Variants in DACH1 observed in about 807,000 individuals in gnomAD.
The protein encoded by DACH1 is dachshund family transcription factor 1, also known as dachshund homolog 1.
In DACH1, 12 loss-of-function variants were observed where a neutral mutation model predicts 54.2. The observed-to-expected ratio is 0.22, with a 90% CI of 0.14 to 0.36. The LOEUF (loss-of-function observed/expected upper bound fraction) is 0.36. DACH1 is among the 10% of genes least tolerant of loss of function. The probability of loss-of-function intolerance (pLI) is 1.00; values close to 1 mark genes in which losing one functional copy is unlikely to be tolerated. For missense variants in DACH1, 805 were observed against 929.8 expected, an observed-to-expected ratio of 0.87 and a Z score of 1.75; for synonymous variants, 386 against 366.2, an observed-to-expected ratio of 1.05 and a Z score of -0.62.
intron 2 of DACH1, among the ~76,000 whole-genome samples, chr13:71,662,846 T>G (rs940822727): frequency 2.0e-5 from 3 of 151,976 alleles, no homozygotes; most frequent in Non-Finnish European, 4.4e-5. Flanking sequence ...CCCCTAGTTT[T>G]CTCTTCCTCT....
At chr13:71,466,608 C>CGAG (rs1876592627) in intron 10 of DACH1, among the ~76,000 whole-genome samples, 1 of 151,984 alleles carries the variant, frequency 6.6e-6, no homozygotes, top group Non-Finnish European at 1.5e-5. Context: ...TTTGGGAGGC[C>CGAG]GAGGCAAGTG....
chr13:71,836,836 T>G (rs370750616), intron 1 of DACH1, among the ~76,000 whole-genome samples: 4 of 152,084 alleles, frequency 2.6e-5, no homozygotes, highest in African/African-American at 9.7e-5. Context: ...ATTGATTATG[T>G]TAATTCTTTA....
intron 3 of DACH1, among the ~76,000 whole-genome samples, chr13:71,580,230 T>C (rs1211305152): frequency 6.6e-6 from 1 of 152,230 alleles, no homozygotes; most frequent in Non-Finnish European, 1.5e-5. Flanking sequence ...AAAGTATCTA[T>C]GCTAATTTTG....
intron 8 of DACH1, 30 bp from the exon 9 acceptor site, chr13:71,475,879 A>C (rs540499869): frequency 6.7e-5 from 96 of 1,436,668 alleles, no homozygotes; most frequent in Non-Finnish European, 8.8e-5. Flanking sequence ...TATTATTATT[A>C]TTATTTTTAA....
intron 2 of DACH1, among the ~76,000 whole-genome samples, chr13:71,663,899 T>A (rs1879668351): frequency 6.6e-6 from 1 of 151,866 alleles, no homozygotes; most frequent in Non-Finnish European, 1.5e-5. Flanking sequence ...AATATCCACA[T>A]AATTTTTCAT....
chr13:71,559,889 G>T lies in DACH1; in HGVS notation c.1366C>A (p.Pro456Thr), dbSNP rs1157950319. 6.2e-7 allele frequency: 1 copy of T among 1,611,930 alleles called. No homozygotes were observed. The highest frequency in any genetic ancestry group is 1.3e-5 in the African/African-American group (1 of 74,844). Residue 456 changes from proline (P) to threonine (T), a missense_variant, in exon 5 of 11, where the codon CCA becomes ACA. This residue lies in a region of DACH1 where 472 missense variants were observed against 545.3 expected (regional missense o/e 0.87). Transcript: ENST00000613252. The stretch of plus-strand genomic sequence containing the variant: ...ACGCTGCTGCTGCGATGTGATGATG[G>T]GTGACTGCCAGGCCTTCTCCCCTCC... ...LEEGRRPGSH[P>T]SSHRSSSVSS... is the part of the protein sequence containing the mutation.
intron 1 of DACH1, among the ~76,000 whole-genome samples, chr13:71,689,020 A>G (rs922617210): frequency 6.6e-6 from 1 of 152,130 alleles, no homozygotes; most frequent in African/African-American, 2.4e-5. Flanking sequence ...CATTTACTAA[A>G]CTTAGTTCAC....
intron 2 of DACH1, among the ~76,000 whole-genome samples, chr13:71,673,514 G>A (rs1002101618): frequency 6.6e-6 from 1 of 151,802 alleles, no homozygotes; most frequent in Non-Finnish European, 1.5e-5. Context: ...TAGTACAAAT[G>A]TAGTTATATA....
rs574698908 is a variant in DACH1, at chr13:71,475,266, T to TA, written c.2015-58dup. 1.1e-3 allele frequency: 1,526 copies of TA among 1,356,766 alleles called. 17 individuals carry two copies. Among genetic ancestry groups the TA allele is most frequent in the South Asian group, 0.011 (888 of 80,418 alleles). 84.0% of individuals were successfully genotyped at this position (1,356,766 alleles called of 1,614,324 possible). A position where few individuals can be genotyped will look rare whatever the true frequency, so the allele number is the denominator to read the frequency against. On this transcript the variant is annotated intron_variant, in intron 9 of 10. Coordinates refer to ENST00000613252, the MANE Select transcript of DACH1 (RefSeq NM_080759.6). ...ATTTCATTTGATTCCTATTGTCCTT[T>TA]AAAAAAAAAGAGCAACCTGTTACTT... is the stretch of plus-strand genomic sequence containing the variant.
At chr13:71,770,546 C>T (rs192142423) in intron 1 of DACH1, among the ~76,000 whole-genome samples, 9 of 151,566 alleles carry the variant, frequency 5.9e-5, no homozygotes, top group South Asian at 4.1e-4. Flanking sequence ...AAGGAAAGAA[C>T]GCATTTAAAG....
In DACH1 at chr13:71,438,156, C is replaced by T. The variant is rs1484749098; in HGVS notation, c.*2499G>A. 6.6e-6 allele frequency: 1 copy of T among 152,248 alleles called. No individual in the cohort carries two copies. The highest frequency in any genetic ancestry group is 1.5e-5 in the Non-Finnish European group (1 of 67,844). 9.4% of individuals were successfully genotyped at this position (152,248 alleles called of 1,614,324 possible). A position where few individuals can be genotyped will look rare whatever the true frequency, so the allele number is the denominator to read the frequency against. ...TTTTGTACAACAAAATTCGTAATAA[C>T]CTTTTATCATTTTTAGAAAACTTTA... On this transcript the variant is annotated 3_prime_UTR_variant, in exon 11 of 11. Coordinates refer to ENST00000613252, the MANE Select transcript of DACH1 (RefSeq NM_080759.6).
intron 4 of DACH1, among the ~76,000 whole-genome samples, chr13:71,561,619 G>C (rs774351082): frequency 6.1e-4 from 92 of 152,054 alleles, no homozygotes; most frequent in Non-Finnish European, 1.1e-3. Context: ...CCAATAATGA[G>C]AGACAATAAA....
At chr13:71,858,717 T>G (rs1353264106) in intron 1 of DACH1, among the ~76,000 whole-genome samples, 1 of 151,796 alleles carries the variant, frequency 6.6e-6, no homozygotes, top group East Asian at 1.9e-4. Context: ...GAGTTCAACT[T>G]TTTTAGATTC....
chr13:71,738,532 C>T (rs1236440287), intron 1 of DACH1, among the ~76,000 whole-genome samples: 1 of 151,622 alleles, frequency 6.6e-6, no homozygotes, highest in Non-Finnish European at 1.5e-5. Context: ...GAGTTCAAGA[C>T]CAGCCTGACC....
Position 71,866,350 on chromosome 13 carries a change from G to C in DACH1, c.420C>G (p.Ser140Arg), listed in dbSNP as rs1383549766. 1.4e-5 allele frequency: 21 copies of C among 1,531,130 alleles called. No homozygotes were observed. Among genetic ancestry groups the C allele is most frequent in the East Asian group, 7.4e-5 (3 of 40,432 alleles). 94.8% of individuals were successfully genotyped at this position (1,531,130 alleles called of 1,614,324 possible). ...SSTPINASTGSSSSSSSSSSS... is the reference protein window; with the variant it reads ...SSTPINASTGRSSSSSSSSSS... ...TGCTGCTGCTACTGCTGCTGCTGCT[G>C]CTGCCGGTGCTGGCGTTGATGGGGG... Residue 140 changes from serine (S) to arginine (R), a missense_variant, in exon 1 of 11, where the codon AGC (serine) becomes AGG (arginine). Ser to Arg is a moderately radical substitution (Grantham distance 110). Coordinates refer to ENST00000613252, the MANE Select transcript of DACH1 (RefSeq NM_080759.6).
chr13:71,608,197 G>C (rs1157256117), intron 3 of DACH1, among the ~76,000 whole-genome samples: 4 of 151,828 alleles, frequency 2.6e-5, no homozygotes, highest in Non-Finnish European at 5.9e-5. Context: ...TTTCTGAACA[G>C]TATGTATATT....
chr13:71,744,281 A>T (rs1178621634), intron 1 of DACH1, among the ~76,000 whole-genome samples: 1 of 152,228 alleles, frequency 6.6e-6, no homozygotes, highest in African/African-American at 2.4e-5. Context: ...AGTTTACAAG[A>T]AAAGAAGTAC....
At chr13:71,631,001 C>A (rs949074390) in intron 2 of DACH1, among the ~76,000 whole-genome samples, 2 of 152,128 alleles carry the variant, frequency 1.3e-5, no homozygotes, top group Non-Finnish European at 2.9e-5. Context: ...AGAAACCAAT[C>A]TACGAATCTA....
At chr13:71,495,096 C>T (rs1879291914) in intron 6 of DACH1, among the ~76,000 whole-genome samples, 1 of 151,928 alleles carries the variant, frequency 6.6e-6, no homozygotes, top group Admixed American at 6.6e-5. Flanking sequence ...GTTTTGGTCT[C>T]TAATGTCTTT....
Sources: allele counts gnomAD v4.1 joint callset (sites outside exome capture counted in the v4.1 genomes callset), GRCh38; gene constraint gnomAD v4.1.1; regional missense constraint gnomAD v4.1.1; transcripts MANE v1.5; gene names NCBI Gene and HGNC (gene_info 2026-07-23, HGNC 2026-07-21).